Variants in DDC observed in about 807,000 individuals in gnomAD.
DDC encodes the protein dopa decarboxylase.
A neutral mutation model predicts 60.0 loss-of-function variants in DDC; 43 were observed. The observed-to-expected ratio is 0.72, with a 90% confidence interval of 0.56 to 0.92. The LOEUF (loss-of-function observed/expected upper bound fraction) is 0.92, where lower values mean the gene tolerates loss of function less well. Ranked by LOEUF, DDC falls within the 40% of genes least tolerant of loss-of-function variation. The pLI, the probability that DDC is intolerant of heterozygous loss-of-function variation, is 0.00. For synonymous variants in DDC, 232 were observed against 234.6 expected, an observed-to-expected ratio of 0.99 and a Z score of 0.10; for missense variants, 573 against 620.2, an observed-to-expected ratio of 0.92 and a Z score of 0.81.
At chr7:50,537,730 G>C in intron 4 of DDC, 130 bp downstream of exon 4, 1 of 1,240,076 alleles carries the variant, frequency 8.1e-7, no homozygotes, top group Non-Finnish European at 1.2e-6. Flanking sequence ...CAAGAGCTCG[G>C]TTTTGTTTAT....
chr7:50,522,970 C>T (rs950578259), intron 6 of DDC, among the ~76,000 whole-genome samples: 2 of 152,170 alleles, frequency 1.3e-5, no homozygotes, highest in African/African-American at 4.8e-5. Flanking sequence ...AATTCACTCA[C>T]TATCATGAGA....
intron 10 of DDC, 63 bp from the exon 11 acceptor site, chr7:50,476,706 A>G: frequency 7.0e-7 from 1 of 1,437,608 alleles, no homozygotes; most frequent in South Asian, 1.1e-5. Flanking sequence ...ATCACACGCT[A>G]ATCCTTTTCA....
At chr7:50,519,312 C>T (rs547120021) in intron 6 of DDC, among the ~76,000 whole-genome samples, 1 of 152,136 alleles carries the variant, frequency 6.6e-6, no homozygotes, top group African/African-American at 2.4e-5. Flanking sequence ...ACTAGTATAG[C>T]CACTATGGAA....
chr7:50,562,936 G>A (rs971301251), intron 1 of DDC, among the ~76,000 whole-genome samples: 5 of 152,170 alleles, frequency 3.3e-5, no homozygotes, highest in African/African-American at 1.2e-4. Flanking sequence ...GGAGGCCAAG[G>A]TGGGCACATC....
chr7:50,529,137 G>C, intron 5 of DDC, 71 bp downstream of exon 5: 3 of 1,588,746 alleles, frequency 1.9e-6, no homozygotes, highest in South Asian at 1.1e-5. Flanking sequence ...TGTTTGGTTT[G>C]GTTTGAATTT....
At position 50,529,264 on chromosome 7, in the gene DDC, G is replaced by A; in HGVS notation, c.514C>T (p.Pro172Ser). The change falls in exon 5 of 15, where the codon CCA becomes TCA. Residue 172 changes from proline (P) to serine (S), a missense_variant. By Grantham distance (74) the Pro-to-Ser change is moderately conservative. Transcript: ENST00000444124. ...ATGATAGCGGCCTGTGTGAGCTCTG[G>A]GGACGCTGCCTGCAGCCGATGGATC... ...KVIHRLQAAS[P>S]ELTQAAIMEK... 2 of 1,613,972 alleles carry A rather than the reference G, an allele frequency of 1.2e-6. No individual in the cohort carries two copies. The highest frequency in any genetic ancestry group is 2.2e-5 in the South Asian group (2 of 91,068).
At chr7:50,552,652 A>G (rs1266490829) in intron 1 of DDC, among the ~76,000 whole-genome samples, 1 of 152,222 alleles carries the variant, frequency 6.6e-6, no homozygotes, top group East Asian at 1.9e-4. Flanking sequence ...TTCTCCAAGC[A>G]GGGTCCTCAA....
chr7:50,527,971 A>G, intron 6 of DDC, 166 bp downstream of exon 6: 1 of 680,046 alleles, frequency 1.5e-6, no homozygotes, highest in Non-Finnish European at 2.4e-6. Context: ...ATCTCGGCTC[A>G]CTGCAACCTC....
intron 1 of DDC, among the ~76,000 whole-genome samples, chr7:50,547,904 C>G (rs1038720140): frequency 6.6e-6 from 1 of 152,210 alleles, no homozygotes; most frequent in Non-Finnish European, 1.5e-5. Flanking sequence ...TGTGACAACC[C>G]TGAATCCAGC....
intron 9 of DDC, among the ~76,000 whole-genome samples, chr7:50,482,556 G>A (rs2042793359): frequency 6.6e-6 from 1 of 152,092 alleles, no homozygotes; most frequent in Admixed American, 6.5e-5. Flanking sequence ...ATTTAAGGAG[G>A]CAACTTCCTC....
At chr7:50,552,226 AT>A (rs1443604984) in intron 1 of DDC, among the ~76,000 whole-genome samples, 1 of 152,206 alleles carries the variant, frequency 6.6e-6, no homozygotes, top group Non-Finnish European at 1.5e-5. Context: ...GCTGTTTGAT[AT>A]TTTATGCCCC....
At chr7:50,476,545 G>T (rs1419797154) in intron 11 of DDC, 79 bp downstream of exon 11, 2 of 1,271,682 alleles carry the variant, frequency 1.6e-6, no homozygotes, top group East Asian at 2.3e-5. Flanking sequence ...GAGAGTGGGG[G>T]AGGAGATGTG....
At chr7:50,523,789 A>G (rs2043963876) in intron 6 of DDC, among the ~76,000 whole-genome samples, 1 of 152,358 alleles carries the variant, frequency 6.6e-6, no homozygotes, top group South Asian at 2.1e-4. Flanking sequence ...GCACACTCTT[A>G]CCATACGATC....
chr7:50,488,837 C>A (rs528321566), intron 9 of DDC, among the ~76,000 whole-genome samples: 1 of 152,172 alleles, frequency 6.6e-6, no homozygotes, highest in Non-Finnish European at 1.5e-5. Flanking sequence ...AATTTCATCT[C>A]GCTGTTTTCA....
intron 10 of DDC, 128 bp from the exon 11 acceptor site, chr7:50,476,771 CT>C (rs1176013855): frequency 2.5e-6 from 2 of 814,516 alleles, no homozygotes; most frequent in Non-Finnish European, 4.1e-6. Flanking sequence ...TGCCCAAAGG[CT>C]GGGTCTGGGT....
At chr7:50,538,098 G>T in intron 3 of DDC, 119 bp from the exon 4 acceptor site, 1 of 1,282,966 alleles carries the variant, frequency 7.8e-7, no homozygotes, top group Non-Finnish European at 1.1e-6. Flanking sequence ...CCCAATCTCA[G>T]ATGTGATTCA....
chr7:50,504,298 C>A (rs3823674), intron 6 of DDC, among the ~76,000 whole-genome samples: 2 of 152,050 alleles, frequency 1.3e-5, no homozygotes, highest in East Asian at 3.9e-4. Flanking sequence ...GGTTAGAAAC[C>A]GGGAAGTTGC....
chr7:50,559,704 AGGCGTGAGCC>A (rs2045295002), intron 1 of DDC, among the ~76,000 whole-genome samples: 1 of 152,254 alleles, frequency 6.6e-6, no homozygotes, highest in South Asian at 2.1e-4. Context: ...TTGGGATTAC[AGGCGTGAGCC>A]ACTGCGCCCA....
In DDC at chr7:50,500,766, CTGATGATTA is replaced by C. The variant is rs2043234751; in HGVS notation, c.782-1533_782-1525del. 2.0e-5 allele frequency among the ~76,000 whole-genome samples: 3 copies of C among 152,342 alleles called. No homozygotes were observed. The South Asian group carries it at 6.2e-4, about 32-fold the overall frequency. ...CTTAATCCAACTGAGGGCTTTCATC[CTGATGATTA>C]AACTGAGTCAAAGCTTTGAAACGCC... On this transcript the variant is annotated intron_variant, in intron 7 of 14. Transcript: ENST00000444124.
Sources: allele counts gnomAD v4.1 joint callset (sites outside exome capture counted in the v4.1 genomes callset), GRCh38; gene constraint gnomAD v4.1.1; transcripts MANE v1.5; gene names NCBI Gene and HGNC (gene_info 2026-07-23, HGNC 2026-07-21).